The following LARP4B variants were observed in gnomAD, a reference collection of about 807,000 sequenced individuals.
The protein encoded by LARP4B is la-related protein 4B.
A neutral mutation model predicts 89.8 loss-of-function variants in LARP4B; 12 were observed. The observed-to-expected ratio is 0.13, with a 90% CI of 0.09 to 0.22. The LOEUF (loss-of-function observed/expected upper bound fraction) is 0.22, where lower values mean the gene tolerates loss of function less well. LARP4B is among the 10% of genes least tolerant of loss of function. The pLI is 1.00. For synonymous variants in LARP4B, 367 were observed against 363.3 expected (o/e 1.01, Z -0.12); for missense variants, 757 against 947.7 (o/e 0.80, Z 2.64).
Position 817,789 on chromosome 10 carries a change from A to C in LARP4B, c.1631T>G (p.Leu544Trp). Reference protein sequence around the residue: ...FPPLPGAAGNLKTEDLFENRL... With the variant: ...FPPLPGAAGNWKTEDLFENRL... ...GTTTTCAAACAAGTCCTCTGTCTTC[A>C]AATTGCCGGCAGCTCCAGGTAATGG... Residue 544 changes from leucine to tryptophan, a missense_variant, in exon 15 of 18, where the codon TTG becomes TGG. Physicochemically the swap from Leu to Trp is moderately conservative, Grantham distance 61. This residue lies in a region of LARP4B where 387 missense variants were observed against 423.6 expected (regional missense o/e 0.91). Transcript: ENST00000316157. The C allele has an allele frequency of 6.2e-7, 1 of 1,614,178 alleles. No homozygotes were observed. Among genetic ancestry groups the C allele is most frequent in the South Asian group, 1.1e-5 (1 of 91,074 alleles).
At chr10:885,354 C>T (rs1564430454) in intron 2 of LARP4B, among the ~76,000 whole-genome samples, 1 of 152,136 alleles carries the variant, frequency 6.6e-6, no homozygotes, top group Non-Finnish European at 1.5e-5. Context: ...ATACAGTTTT[C>T]CCTGTTTCTT....
rs756564540 is a variant in LARP4B at position 885,702 on chromosome 10, G to C, written c.20C>G (p.Ala7Gly). 2 of 1,614,080 alleles carry C rather than the reference G, an allele frequency of 1.2e-6. No individual in the cohort carries two copies. The highest frequency in any genetic ancestry group is 2.2e-5 in the South Asian group (2 of 91,082). MTSDQD[A>G]KVVAEPQTQR... Reference sequence around the variant, plus strand: ...CGTCTGCGGTTCAGCCACAACCTTAGCGTCCTGATCAGAAGTCATGGGCTC... The same window carrying C: ...CGTCTGCGGTTCAGCCACAACCTTACCGTCCTGATCAGAAGTCATGGGCTC... Residue 7 changes from alanine to glycine, a missense_variant, in exon 2 of 18, where the codon GCT becomes GGT. By Grantham distance (60) the Ala-to-Gly change is moderately conservative. This residue lies in a region of LARP4B where 175 missense variants were observed against 187.0 expected (regional missense o/e 0.94). Transcript: ENST00000316157.
the LARP4B span, chr10:985,382 G>C: frequency 6.6e-6 from 1 of 152,204 alleles, no homozygotes. Context: ...TTAGTGAAAA[G>C]CTAAAATAAT....
chr10:891,311 A>G (rs1836012522), intron 1 of LARP4B, among the ~76,000 whole-genome samples: 1 of 152,260 alleles, frequency 6.6e-6, no homozygotes, highest in South Asian at 2.1e-4. Context: ...CACGCTGGTC[A>G]GTCAGACTAT....
chr10:861,073 G>A (rs564463009), intron 5 of LARP4B, among the ~76,000 whole-genome samples: 16 of 152,098 alleles, frequency 1.1e-4, no homozygotes, highest in South Asian at 1.0e-3. Flanking sequence ...GGAGAATGGC[G>A]TGAACCCGGG....
chr10:961,618 C>T, the LARP4B span, among the ~76,000 whole-genome samples: 1 of 138,140 alleles, frequency 7.2e-6, no homozygotes, highest in Non-Finnish European at 1.5e-5. Flanking sequence ...GTGGTGCCAG[C>T]ATCTGCTTCT....
intron 17 of LARP4B, among the ~76,000 whole-genome samples, chr10:813,430 G>A (rs1831849324): frequency 6.6e-6 from 1 of 152,234 alleles, no homozygotes; most frequent in Non-Finnish European, 1.5e-5. Flanking sequence ...GATAAAATTA[G>A]AAAAGGCATG....
chr10:936,598 C>G (rs1830750671), upstream of LARP4B, among the ~76,000 whole-genome samples: 1 of 152,144 alleles, frequency 6.6e-6, no homozygotes, highest in South Asian at 2.1e-4. Flanking sequence ...TGGCGGTCGC[C>G]TGTAGTCCCA....
intron 3 of LARP4B, among the ~76,000 whole-genome samples, chr10:880,359 T>G (rs998193965): frequency 6.6e-6 from 1 of 152,108 alleles, no homozygotes; most frequent in Non-Finnish European, 1.5e-5. Context: ...GGACTAAAGT[T>G]TTTTGGTATT....
chr10:976,496 T>A, the LARP4B span, among the ~76,000 whole-genome samples: 1 of 143,746 alleles, frequency 7.0e-6, no homozygotes, highest in East Asian at 2.1e-4. Context: ...GGATCCAGCC[T>A]AGTAGAAGGT....
Position 817,922 on chromosome 10 carries a change from T to C in LARP4B, c.1531-33A>G, listed in dbSNP as rs1235449511. ...AGAATGACACCCCAGGGTCACGGTATGGAGAGAGAAGGCCAAGCAGCTTCT... is the reference window on the plus strand; with the variant it reads ...AGAATGACACCCCAGGGTCACGGTACGGAGAGAGAAGGCCAAGCAGCTTCT... On this transcript the variant is annotated intron_variant, in intron 14 of 17. Transcript: ENST00000316157. 6 of 1,591,546 alleles carry C rather than the reference T, an allele frequency of 3.8e-6. No homozygotes were observed. The Middle Eastern group carries it at 5.3e-4, about 140-fold the overall frequency.
At chr10:927,280 G>A (rs964304641) in intron 1 of LARP4B, among the ~76,000 whole-genome samples, 1 of 152,158 alleles carries the variant, frequency 6.6e-6, no homozygotes, top group Non-Finnish European at 1.5e-5. Context: ...TAAGGTATGG[G>A]GTGGCGGGGG....
intron 1 of LARP4B, among the ~76,000 whole-genome samples, chr10:907,126 T>C (rs568972778): frequency 3.3e-5 from 5 of 152,344 alleles, no homozygotes; most frequent in Admixed American, 1.3e-4. Flanking sequence ...CATATCAAAT[T>C]ATCATCCTCA....
At chr10:911,117 C>G (rs1187052671) in intron 1 of LARP4B, among the ~76,000 whole-genome samples, 1 of 152,184 alleles carries the variant, frequency 6.6e-6, no homozygotes, top group Non-Finnish European at 1.5e-5. Context: ...GTGGAGCCGC[C>G]TAACACAGGA....
At chr10:930,233 G>A (rs1208922773) in intron 1 of LARP4B, among the ~76,000 whole-genome samples, 7 of 152,004 alleles carry the variant, frequency 4.6e-5, no homozygotes, top group African/African-American at 1.7e-4. Flanking sequence ...AAAAACTTTC[G>A]AAAGGGAAAA....
intron 1 of LARP4B, among the ~76,000 whole-genome samples, chr10:892,538 T>C (rs898334034): frequency 6.6e-6 from 1 of 152,066 alleles, no homozygotes; most frequent in African/African-American, 2.4e-5. Context: ...AGAAAAATTA[T>C]CGTTAATTTT....
At position 866,223 on chromosome 10, in the gene LARP4B, G is replaced by C. The variant is rs141076705; in HGVS notation, c.142-1953C>G. ...CTTTTTAGTTTTTGTTTTAAGTACT[G>C]GTGATAGGGCAAATTATTGGGTTCC... On this transcript the variant is annotated intron_variant, in intron 3 of 17. Transcript: ENST00000316157. Among the ~76,000 whole-genome samples, 713 of 152,026 alleles carry C rather than the reference G, an allele frequency of 4.7e-3. 3 individuals are homozygous for C. The highest frequency in any genetic ancestry group is 8.6e-3 in the Non-Finnish European group (587 of 68,024).
the LARP4B span, chr10:972,802 T>A: frequency 1.3e-5 from 6 of 456,682 alleles, no homozygotes; most frequent in African/African-American, 1.2e-4. Flanking sequence ...GGTAGCCGCA[T>A]TCTTTCCCCT....
At chr10:808,738 TGTGC>T (rs1326034267), downstream of LARP4B, 4 of 142,902 alleles carry the variant, frequency 2.8e-5, no homozygotes, top group African/African-American at 7.6e-5. Flanking sequence ...TGTGTGTGTG[TGTGC>T]GTGTGCACGC....
Sources: allele counts gnomAD v4.1 joint callset (sites outside exome capture counted in the v4.1 genomes callset), GRCh38; gene constraint gnomAD v4.1.1; regional missense constraint gnomAD v4.1.1; transcripts MANE v1.5; gene names NCBI Gene and HGNC (gene_info 2026-07-23, HGNC 2026-07-21).